MYCBP2: variants seen among roughly 807,000 people sequenced by gnomAD.
The protein encoded by MYCBP2 is MYC binding protein 2, also known as E3 ubiquitin-protein ligase MYCBP2.
Under a neutral mutation model 525.3 loss-of-function variants are expected in MYCBP2, and 120 were observed. The observed-to-expected ratio is 0.23, with a 90% CI of 0.20 to 0.27. The LOEUF is 0.27. MYCBP2 is among the 10% of genes least tolerant of loss of function. The probability of loss-of-function intolerance (pLI) is 1.00; values close to 1 mark genes in which losing one functional copy is unlikely to be tolerated. For synonymous variants in MYCBP2, 1,894 were observed against 1,955.8 expected (o/e 0.97, Z 0.83); for missense variants, 4,149 against 5,657.1 (o/e 0.73, Z 8.55).
In MYCBP2 at chr13:77,055,651, T is replaced by C. The variant is rs2037806759; in HGVS notation, c.13554A>G (p.Glu4518=). Residue 4518 remains glutamate (E), a synonymous_variant, in exon 80 of 83, where the codon GAA becomes GAG. Coordinates refer to ENST00000544440, the MANE Select transcript of MYCBP2 (RefSeq NM_015057.5). ...ACCTCACACCAGGAGTTGTGATAGCTTCACTCTTATGCAGACCTTCATATT... is the reference window on the plus strand; with the variant it reads ...ACCTCACACCAGGAGTTGTGATAGCCTCACTCTTATGCAGACCTTCATATT... ...RLEYEGLHKS[E]AITTPGVRFY... is the part of the protein sequence containing the mutation. 1 of 1,614,038 alleles carries C rather than the reference T, an allele frequency of 6.2e-7. No homozygotes were observed. Among genetic ancestry groups the C allele is most frequent in the Non-Finnish European group, 8.5e-7 (1 of 1,180,012 alleles).
chr13:77,167,081 G>C (rs968892369), intron 40 of MYCBP2, among the ~76,000 whole-genome samples: 2 of 150,712 alleles, frequency 1.3e-5, no homozygotes, highest in Admixed American at 6.6e-5. Flanking sequence ...GTCACTAATA[G>C]GAATTTTAGA....
chr13:77,069,128 A>G (rs1274589652), intron 69 of MYCBP2, among the ~76,000 whole-genome samples: 1 of 152,194 alleles, frequency 6.6e-6, no homozygotes, highest in East Asian at 1.9e-4. Flanking sequence ...ACCAATCACC[A>G]TATTTTATCA....
At chr13:77,141,744 C>G (rs2054663002) in intron 49 of MYCBP2, among the ~76,000 whole-genome samples, 1 of 146,382 alleles carries the variant, frequency 6.8e-6, no homozygotes, top group Non-Finnish European at 1.5e-5. Flanking sequence ...GCATTCCAGC[C>G]TGTGCAACAG....
At chr13:77,161,222 A>G (rs1006824604) in intron 44 of MYCBP2, among the ~76,000 whole-genome samples, 10 of 152,230 alleles carry the variant, frequency 6.6e-5, no homozygotes, top group African/African-American at 2.4e-4. Flanking sequence ...AGCTGAAGTC[A>G]GACTAATGAA....
chr13:77,066,576 C>T (rs930974615), intron 71 of MYCBP2, among the ~76,000 whole-genome samples: 1 of 152,196 alleles, frequency 6.6e-6, no homozygotes, highest in Non-Finnish European at 1.5e-5. Flanking sequence ...TACTGTTACA[C>T]ACAATTACAG....
chr13:77,224,312 C>T (rs1460748976), intron 20 of MYCBP2, 139 bp downstream of exon 20: 2 of 624,536 alleles, frequency 3.2e-6, no homozygotes, highest in Non-Finnish European at 5.6e-6. Flanking sequence ...ATTCATGGGC[C>T]ACACTTTGCA....
At chr13:77,222,997 G>A (rs1391371156) in intron 20 of MYCBP2, among the ~76,000 whole-genome samples, 4 of 152,184 alleles carry the variant, frequency 2.6e-5, no homozygotes, top group African/African-American at 9.7e-5. Flanking sequence ...GCAGCTAAGT[G>A]AATTGCTGAG....
intron 1 of MYCBP2, among the ~76,000 whole-genome samples, chr13:77,302,699 A>G (rs1332442839): frequency 6.6e-6 from 1 of 152,214 alleles, no homozygotes; most frequent in African/African-American, 2.4e-5. Context: ...GATACATGCT[A>G]AAAGGACAGA....
intron 78 of MYCBP2, among the ~76,000 whole-genome samples, chr13:77,057,407 A>C (rs2038322094): frequency 6.6e-6 from 1 of 152,204 alleles, no homozygotes; most frequent in Admixed American, 6.5e-5. Context: ...AGAAAGAAGA[A>C]GAAATTACTG....
chr13:77,101,432 C>CTTACA (rs1175745608), intron 55 of MYCBP2, among the ~76,000 whole-genome samples: 1 of 152,050 alleles, frequency 6.6e-6, no homozygotes, highest in East Asian at 1.9e-4. Flanking sequence ...TGCATATGAA[C>CTTACA]TTACAATGGT....
chr13:77,294,343 C>T (rs1303051763), intron 2 of MYCBP2, among the ~76,000 whole-genome samples: 1 of 151,214 alleles, frequency 6.6e-6, no homozygotes, highest in East Asian at 1.9e-4. Flanking sequence ...TCTTTGTATC[C>T]CAAACATCCA....
intron 5 of MYCBP2, among the ~76,000 whole-genome samples, chr13:77,273,155 A>G (rs1274313064): frequency 6.6e-6 from 1 of 152,182 alleles, no homozygotes; most frequent in Non-Finnish European, 1.5e-5. Flanking sequence ...ATACTAAAAA[A>G]CTCAGGGAAA....
intron 55 of MYCBP2, chr13:77,109,938 T>C (rs1566563236): frequency 6.6e-6 from 1 of 152,328 alleles, no homozygotes; most frequent in East Asian, 1.9e-4. Context: ...TACTTTAATC[T>C]CTTAATCCTG....
intron 2 of MYCBP2, among the ~76,000 whole-genome samples, chr13:77,294,107 T>TATATATAC (rs2077796537): frequency 2.3e-5 from 1 of 43,880 alleles, no homozygotes; most frequent in Admixed American, 3.8e-4. Context: ...ATAATGGCTA[T>TATATATAC]ATATATATAT....
At chr13:77,084,746 C>T (rs190803718) in intron 62 of MYCBP2, among the ~76,000 whole-genome samples, 2 of 152,260 alleles carry the variant, frequency 1.3e-5, no homozygotes, top group Non-Finnish European at 1.5e-5. Context: ...GCTTACAATT[C>T]ATTTCCACTG....
chr13:77,205,087 G>C (rs1338987820), intron 26 of MYCBP2, among the ~76,000 whole-genome samples, 169 bp downstream of exon 26: 2 of 151,794 alleles, frequency 1.3e-5, no homozygotes, highest in Non-Finnish European at 2.9e-5. Context: ...TAGTATTACT[G>C]TATTCGATTT....
At position 77,211,923 on chromosome 13, in the gene MYCBP2, T is replaced by G. The variant is rs376704124; in HGVS notation, c.3262+33A>C. 13 of 1,518,210 alleles carry G rather than the reference T, an allele frequency of 8.6e-6. 1 individual carries two copies. In the Middle Eastern group the frequency reaches 2.2e-3, roughly 251 times the overall value. The allele number at this position is 1,518,210 out of a possible 1,614,324, so 94.0% of individuals were successfully genotyped here. ...ATTTACTATCAATCAAGACAAGAGT[T>G]TGGAAGGGGCATTTGTTTATTTCTG... On this transcript the variant is annotated intron_variant, in intron 22 of 82. Coordinates refer to ENST00000544440, the MANE Select transcript of MYCBP2 (RefSeq NM_015057.5).
chr13:77,288,489 T>C (rs1404615917), intron 2 of MYCBP2, 113 bp from the exon 3 acceptor site: 3 of 898,088 alleles, frequency 3.3e-6, no homozygotes, highest in African/African-American at 3.4e-5. Flanking sequence ...ACACATTATG[T>C]GACACAGCAG....
intron 17 of MYCBP2, among the ~76,000 whole-genome samples, chr13:77,234,681 A>C (rs1254683285): frequency 6.6e-6 from 1 of 151,998 alleles, no homozygotes; most frequent in Non-Finnish European, 1.5e-5. Flanking sequence ...TCCATTTCTA[A>C]AATGTAATAA....
Sources: gnomAD v4.1 joint callset for allele counts (sites outside exome capture counted in the v4.1 genomes callset) on GRCh38, gnomAD v4.1.1 for gene constraint, MANE v1.5 for transcripts, NCBI Gene and HGNC (gene_info 2026-07-23, HGNC 2026-07-21) for gene names.